CYTH1: variants seen among roughly 807,000 people sequenced by gnomAD.
CYTH1 encodes cytohesin-1.
Under a neutral mutation model 61.8 loss-of-function variants are expected in CYTH1, and 18 were observed. The observed-to-expected ratio is 0.29, with a 90% CI of 0.20 to 0.43. CYTH1 has a LOEUF of 0.43. Ranked by LOEUF, CYTH1 falls within the 20% of genes least tolerant of loss-of-function variation. CYTH1 has a pLI of 1.00. For missense variants in CYTH1, 336 were observed against 510.5 expected (o/e 0.66, Z 3.29); for synonymous variants, 174 against 184.3 (o/e 0.94, Z 0.45).
intron 1 of CYTH1, among the ~76,000 whole-genome samples, chr17:78,757,601 G>C (rs1238669469): frequency 6.6e-6 from 1 of 152,030 alleles, no homozygotes; most frequent in Non-Finnish European, 1.5e-5. Flanking sequence ...GAGAGAGGCA[G>C]GAAAAAATTT....
chr17:78,776,826 T>A lies in CYTH1; in HGVS notation c.22+5376A>T, dbSNP rs541343028. ...GTGCCATAAACAGTTTTTTTTTTTT[T>A]AAAAAAAGAAACCAATAGGCCAGGT... On this transcript the variant is annotated intron_variant, in intron 1 of 13. Coordinates refer to ENST00000446868, the MANE Select transcript of CYTH1 (RefSeq NM_004762.6). 5.2e-3 allele frequency among the ~76,000 whole-genome samples: 778 copies of A among 148,890 alleles called. 3 individuals are homozygous for A. The highest frequency in any genetic ancestry group is 7.5e-3 in the African/African-American group (297 of 39,800).
intron 1 of CYTH1, among the ~76,000 whole-genome samples, chr17:78,767,596 C>T (rs78575427): frequency 0.027 from 3,926 of 148,052 alleles, 76 homozygotes; most frequent in Non-Finnish European, 0.04. Flanking sequence ...GATGAATAAA[C>T]GGATGGTTGA....
chr17:78,778,954 G>A (rs1000788174), intron 1 of CYTH1, among the ~76,000 whole-genome samples: 8 of 152,140 alleles, frequency 5.3e-5, no homozygotes, highest in African/African-American at 1.7e-4. Flanking sequence ...GGACAGTTCT[G>A]GAGACTAACA....
At chr17:78,746,408 G>A (rs1458857808) in intron 1 of CYTH1, among the ~76,000 whole-genome samples, 4 of 151,966 alleles carry the variant, frequency 2.6e-5, no homozygotes, top group Non-Finnish European at 5.9e-5. Context: ...ATGAAATTAC[G>A]CAACACCTGC....
Position 78,761,606 on chromosome 17 carries a change from C to T in CYTH1, c.22+20596G>A, listed in dbSNP as rs542077166. 2.5e-3 allele frequency among the ~76,000 whole-genome samples: 381 copies of T among 152,186 alleles called. 5 individuals carry two copies. Among genetic ancestry groups the T allele is most frequent in the Non-Finnish European group, 3.8e-3 (261 of 67,986 alleles). On this transcript the variant is annotated intron_variant, in intron 1 of 13. Coordinates refer to ENST00000446868, the MANE Select transcript of CYTH1 (RefSeq NM_004762.6). ...ACAAAAAATCAGCCGGGCGTGGTGG[C>T]GGGCACCTGTAGTCCCAGCTACTTG...
chr17:78,700,589 A>T lies in CYTH1; in HGVS notation c.438-146T>A. 1 of 622,588 alleles carries T rather than the reference A, an allele frequency of 1.6e-6. No individual in the cohort carries two copies. Among genetic ancestry groups the T allele is most frequent in the Non-Finnish European group, 2.7e-6 (1 of 374,636 alleles). 38.6% of individuals were successfully genotyped at this position (622,588 alleles called of 1,614,324 possible). A position where few individuals can be genotyped will look rare whatever the true frequency, so the allele number is the denominator to read the frequency against. ...ACCCAGGCTGGAGTGCAGTGGCGTG[A>T]TCTTGGCTCACTGCAACCTCTGCCT... On this transcript the variant is annotated intron_variant, in intron 6 of 13. Coordinates refer to ENST00000446868, the MANE Select transcript of CYTH1 (RefSeq NM_004762.6). This position sits in a 1 kb window ranked among gnomAD's most constrained non-coding sequence, Gnocchi z 5.1.
At chr17:78,676,860 G>A (rs1056473577) in intron 13 of CYTH1, 2 of 391,990 alleles carry the variant, frequency 5.1e-6, no homozygotes, top group Non-Finnish European at 1.0e-5. Context: ...CCCTATGTCT[G>A]CCATTCTCGA....
intron 1 of CYTH1, among the ~76,000 whole-genome samples, chr17:78,760,555 A>G (rs1199008883): frequency 6.7e-4 from 19 of 28,468 alleles, no homozygotes; most frequent in African/African-American, 1.8e-3. Flanking sequence ...GTATATATAT[A>G]TGTATATATA....
chr17:78,781,027 A>C (rs2093514996), intron 1 of CYTH1, among the ~76,000 whole-genome samples: 1 of 151,506 alleles, frequency 6.6e-6, no homozygotes, highest in Non-Finnish European at 1.5e-5. Flanking sequence ...AAATAAAATA[A>C]AATAAAATAA....
At chr17:78,744,084 G>C (rs772201705) in intron 1 of CYTH1, among the ~76,000 whole-genome samples, 1 of 152,108 alleles carries the variant, frequency 6.6e-6, no homozygotes, top group South Asian at 2.1e-4. Context: ...TTAAATATAC[G>C]GGCTTTTTCG....
At chr17:78,725,550 C>T (rs1332666695) in intron 1 of CYTH1, among the ~76,000 whole-genome samples, 1 of 152,178 alleles carries the variant, frequency 6.6e-6, no homozygotes, top group Non-Finnish European at 1.5e-5. Flanking sequence ...ACACTCTCTT[C>T]AGGGATTGAA....
At chr17:78,723,825 A>AC (rs1382322430) in intron 1 of CYTH1, 1 of 152,260 alleles carries the variant, frequency 6.6e-6, no homozygotes, top group Non-Finnish European at 1.5e-5. Flanking sequence ...ATGTTCTGTC[A>AC]CCCCAAAGGC....
chr17:78,736,410 TTCTC>T (rs139680120), intron 1 of CYTH1, among the ~76,000 whole-genome samples: 2 of 151,472 alleles, frequency 1.3e-5, no homozygotes, highest in African/African-American at 4.9e-5. Context: ...TTCTCGCTCT[TTCTC>T]TCTCTCTCCT....
At chr17:78,702,823 T>C (rs959675395) in intron 3 of CYTH1, among the ~76,000 whole-genome samples, 2 of 151,894 alleles carry the variant, frequency 1.3e-5, no homozygotes, top group African/African-American at 2.4e-5. Flanking sequence ...GGAACAGAGG[T>C]TTTCTTTATT....
intron 1 of CYTH1, among the ~76,000 whole-genome samples, chr17:78,747,164 A>AG (rs896996233): frequency 2.7e-5 from 4 of 149,804 alleles, no homozygotes; most frequent in South Asian, 2.1e-4. Flanking sequence ...AAAAAAAAAA[A>AG]AAAAAAGAAA....
rs926909540 is a variant in CYTH1, at chr17:78,773,419, C to T, written c.22+8783G>A. Among the ~76,000 whole-genome samples, 8 of 152,258 alleles carry T rather than the reference C, an allele frequency of 5.3e-5. No individual in the cohort carries two copies. The East Asian group carries it at 7.7e-4, about 15-fold the overall frequency. On this transcript the variant is annotated intron_variant, in intron 1 of 13. Transcript: ENST00000446868. ...CCGAGGCGGACGGATCACCTGAGGTCAGGAGTTTGAGGCCAGCCTTACCAA... is the reference window on the plus strand; with the variant it reads ...CCGAGGCGGACGGATCACCTGAGGTTAGGAGTTTGAGGCCAGCCTTACCAA...
At position 78,782,216 on chromosome 17, in the gene CYTH1, T is replaced by C; in HGVS notation, c.8A>G (p.Glu3Gly). Residue 3 changes from glutamate to glycine, a missense_variant, in exon 1 of 14, where the codon GAG becomes GGG. Around this residue, in one of 4 missense-constraint regions of CYTH1, gnomAD observed 112 missense variants for 127.1 expected, o/e 0.88. Coordinates refer to ENST00000446868, the MANE Select transcript of CYTH1 (RefSeq NM_004762.6). ME[E>G]DDSYVPSDLT... ...GGCGCACTGACCGTAGCTGTCGTCC[T>C]CCTCCATGGTGCGGGAGCCGGGCTC... 7.4e-7 allele frequency: 1 copy of C among 1,358,404 alleles called. No individual in the cohort carries two copies. Among genetic ancestry groups the C allele is most frequent in the Non-Finnish European group, 9.6e-7 (1 of 1,040,350 alleles). The allele number at this position is 1,358,404 out of a possible 1,614,324, so 84.1% of individuals were successfully genotyped here.
chr17:78,767,932 CA>C (rs1440457402), intron 1 of CYTH1, among the ~76,000 whole-genome samples: 1 of 151,918 alleles, frequency 6.6e-6, no homozygotes, highest in Non-Finnish European at 1.5e-5. Context: ...TTAGAGAACA[CA>C]AAAGAAAGGA....
At chr17:78,693,556 G>A (rs1028762192) in intron 10 of CYTH1, among the ~76,000 whole-genome samples, 2 of 151,632 alleles carry the variant, frequency 1.3e-5, no homozygotes, top group African/African-American at 4.9e-5. Flanking sequence ...GGGAGGTGGA[G>A]GTTGCAGTGA....
Sources: gnomAD v4.1 joint callset for allele counts (sites outside exome capture counted in the v4.1 genomes callset) on GRCh38, gnomAD v4.1.1 for gene constraint, gnomAD v4.1.1 regional missense constraint, Gnocchi (gnomAD v3.1) non-coding constraint, MANE v1.5 for transcripts, NCBI Gene and HGNC (gene_info 2026-07-23, HGNC 2026-07-21) for gene names.